KLF8: variants seen among roughly 807,000 people sequenced by gnomAD.
The protein encoded by KLF8 is KLF transcription factor 8.
KLF8 carries 10 observed loss-of-function variants against 18.2 expected under a neutral mutation model. The observed-to-expected ratio is 0.55, with a 90% CI of 0.34 to 0.93. The LOEUF (loss-of-function observed/expected upper bound fraction) is 0.93. Among genes scored for constraint, KLF8 ranks in the 40% least tolerant of loss-of-function variants. The pLI is 0.02. For synonymous variants in KLF8, 109 were observed against 97.3 expected (o/e 1.12, Z -0.71); for missense variants, 264 against 277.9 (o/e 0.95, Z 0.36).
chrX:56,279,183 T>C (rs2067163858), intron 5 of KLF8, among the ~76,000 whole-genome samples: 1 of 111,646 alleles, frequency 9.0e-6, no homozygotes, highest in Non-Finnish European at 1.9e-5. Flanking sequence ...AAGTTTAGGG[T>C]ACATGTTTAC....
chrX:56,089,617 T>G, the KLF8 span, among the ~76,000 whole-genome samples: 1 of 112,177 alleles, frequency 8.9e-6, no homozygotes, highest in Non-Finnish European at 1.9e-5. Context: ...GGCAAACCAG[T>G]CTTCAAAGTT....
chrX:56,253,268 C>T (rs1172153526), intron 2 of KLF8, among the ~76,000 whole-genome samples: 1 of 112,118 alleles, frequency 8.9e-6, no homozygotes, highest in Non-Finnish European at 1.9e-5. Context: ...TGGGGTATTG[C>T]TCAAGAAATT....
At chrX:56,049,817 G>T in the KLF8 span, among the ~76,000 whole-genome samples, 1 of 109,566 alleles carries the variant, frequency 9.1e-6, no homozygotes, top group Admixed American at 9.8e-5. Context: ...TTTTTCTATT[G>T]ATTGGAATAG....
chrX:56,265,941 A>G (rs1569186511), intron 3 of KLF8, 197 bp downstream of exon 3: 1 of 1,008,913 alleles, frequency 9.9e-7, no homozygotes, highest in Non-Finnish European at 1.3e-6. Context: ...ATGCTTCTCA[A>G]ACAAGTACAA....
chrX:56,089,801 T>TG, the KLF8 span, among the ~76,000 whole-genome samples: 1 of 112,486 alleles, frequency 8.9e-6, no homozygotes, highest in Non-Finnish European at 1.9e-5. Context: ...ACCAGTCTTA[T>TG]GTGGACCCCA....
chrX:56,172,866 G>C, the KLF8 span, among the ~76,000 whole-genome samples: 2 of 112,240 alleles, frequency 1.8e-5, no homozygotes, highest in South Asian at 3.7e-4. Context: ...GTGATGACGA[G>C]CATTTTTTCA....
the KLF8 span, among the ~76,000 whole-genome samples, chrX:55,977,828 C>G: frequency 6.3e-5 from 7 of 110,929 alleles, no homozygotes; most frequent in Non-Finnish European, 1.3e-4. Context: ...GCAGGGAGAC[C>G]TTTTGGAAGG....
chrX:56,287,344 T>C lies in KLF8; in HGVS notation c.*2850T>C, dbSNP rs1420982296. Reference sequence around the variant, plus strand: ...GATTCATTAACAGAATTTTATAGAGTACAGTAATTCAAATATAGCACAGTA... The same window carrying C: ...GATTCATTAACAGAATTTTATAGAGCACAGTAATTCAAATATAGCACAGTA... On this transcript the variant is annotated 3_prime_UTR_variant, in exon 6 of 6. Transcript: ENST00000468660. The C allele has an allele frequency of 8.9e-6, 1 of 112,127 alleles. No individual in the cohort carries two copies. Among genetic ancestry groups the C allele is most frequent in the Non-Finnish European group, 1.9e-5 (1 of 53,266 alleles). 9.2% of individuals were successfully genotyped at this position (112,127 alleles called of 1,213,427 possible).
At chrX:56,219,181 A>T in the KLF8 span, among the ~76,000 whole-genome samples, 1 of 112,420 alleles carries the variant, frequency 8.9e-6, no homozygotes, top group Non-Finnish European at 1.9e-5. Flanking sequence ...AGAAAAAAAG[A>T]AATATTATTT....
chrX:56,071,608 T>C, the KLF8 span, among the ~76,000 whole-genome samples: 1 of 111,822 alleles, frequency 8.9e-6, no homozygotes, highest in Non-Finnish European at 1.9e-5. Flanking sequence ...GTTTAAATTA[T>C]TTTAGTGGAA....
chrX:56,220,638 A>G, the KLF8 span, among the ~76,000 whole-genome samples: 2 of 110,989 alleles, frequency 1.8e-5, no homozygotes, highest in African/African-American at 6.6e-5. Flanking sequence ...GGCATGCGCC[A>G]CCACACCCAG....
chrX:56,077,318 A>G, the KLF8 span, among the ~76,000 whole-genome samples: 4 of 111,945 alleles, frequency 3.6e-5, no homozygotes, highest in African/African-American at 1.3e-4. Flanking sequence ...TAATTTTTGT[A>G]CAAGGTGTAA....
intron 3 of KLF8, chrX:56,269,162 A>T: frequency 1.0e-6 from 1 of 998,976 alleles, no homozygotes; most frequent in Non-Finnish European, 1.3e-6. Context: ...TACTACTCTT[A>T]CTTTAAAGGC....
chrX:56,257,833 T>C (rs1309385064), intron 2 of KLF8, among the ~76,000 whole-genome samples: 1 of 112,655 alleles, frequency 8.9e-6, no homozygotes, highest in Admixed American at 9.4e-5. Context: ...AGTGCAGGTA[T>C]ATTTTTGGTA....
the KLF8 span, among the ~76,000 whole-genome samples, chrX:56,076,989 T>C: frequency 3.6e-5 from 4 of 111,771 alleles, no homozygotes; most frequent in Non-Finnish European, 7.5e-5. Flanking sequence ...GACGGGGTTG[T>C]TTGTTTTTTT....
the KLF8 span, among the ~76,000 whole-genome samples, chrX:56,166,772 G>A: frequency 8.9e-6 from 1 of 111,889 alleles, no homozygotes; most frequent in African/African-American, 3.2e-5. Context: ...GCTAATAACA[G>A]CAGTAGGTGT....
At chrX:56,266,708 G>T in intron 3 of KLF8, 1 of 753,687 alleles carries the variant, frequency 1.3e-6, no homozygotes, top group African/African-American at 2.3e-5. Flanking sequence ...AAATTATGTG[G>T]CCTCTAAAGC....
At chrX:56,096,488 T>TAAAATG in the KLF8 span, among the ~76,000 whole-genome samples, 4 of 111,377 alleles carry the variant, frequency 3.6e-5, no homozygotes, top group Admixed American at 9.6e-5. Context: ...ATGTTTAAAA[T>TAAAATG]AAAATGAAAA....
At chrX:56,049,922 T>C in the KLF8 span, among the ~76,000 whole-genome samples, 1 of 109,279 alleles carries the variant, frequency 9.2e-6, no homozygotes, top group South Asian at 4.0e-4. Flanking sequence ...TGGTAAGCTA[T>C]TGATTATTGC....
Sources: allele counts gnomAD v4.1 joint callset (sites outside exome capture counted in the v4.1 genomes callset), GRCh38; gene constraint gnomAD v4.1.1; transcripts MANE v1.5; gene names NCBI Gene and HGNC (gene_info 2026-07-23, HGNC 2026-07-21).